DLGAP2: variants seen among roughly 807,000 people sequenced by gnomAD.
DLGAP2 encodes the protein DLG associated protein 2.
Under a neutral mutation model 100.3 loss-of-function variants are expected in DLGAP2, and 26 were observed. That is an observed-to-expected ratio of 0.26 (90% CI 0.19 to 0.36). DLGAP2 has a LOEUF of 0.36. DLGAP2 is among the 10% of genes least tolerant of loss of function. The pLI is 1.00. For synonymous variants in DLGAP2, 886 were observed against 630.1 expected (o/e 1.41, Z -6.08); for missense variants, 1,858 against 1,453.2 (o/e 1.28, Z -4.53).
chr8:1,163,901 G>C (rs1036194550), intron 2 of DLGAP2, among the ~76,000 whole-genome samples: 5 of 152,200 alleles, frequency 3.3e-5, no homozygotes, highest in Non-Finnish European at 7.3e-5. Context: ...CTTCAGGAGA[G>C]AAAGTCCGGC....
At chr8:1,236,043 CTCTCTCACATGGCACCGTGTCTAGT>C in intron 2 of DLGAP2, among the ~76,000 whole-genome samples, 1 of 69,002 alleles carries the variant, frequency 1.4e-5, no homozygotes, top group Non-Finnish European at 2.7e-5. Context: ...ATGTCTAGTT[CTCTCTCACATGGCACCGTGTCTAGT>C]TCTCTCACAT....
chr8:932,106 A>G (rs545869542), intron 2 of DLGAP2, among the ~76,000 whole-genome samples: 6 of 152,352 alleles, frequency 3.9e-5, no homozygotes, highest in Middle Eastern at 6.8e-3. Flanking sequence ...TGAGTTGGCT[A>G]GGATCTTGGA....
rs146330300 is a variant in DLGAP2 at position 1,114,143 on chromosome 8, A to G, written c.74-144708A>G. Among the ~76,000 whole-genome samples the G allele has an allele frequency of 9.2e-5, 14 of 152,176 alleles. No homozygotes were observed. In the East Asian group the frequency reaches 2.7e-3, roughly 29 times the overall value. ...TTTTTCATCGATGTTCATCAAGGAT[A>G]TTGGCCTGAAGTTTTCTTTTTTTGT... On this transcript the variant is annotated intron_variant, in intron 2 of 14. Coordinates refer to ENST00000637795, the MANE Select transcript of DLGAP2 (RefSeq NM_001346810.2).
chr8:1,234,953 C>G (rs1182992637), intron 2 of DLGAP2, among the ~76,000 whole-genome samples: 1 of 152,180 alleles, frequency 6.6e-6, no homozygotes, highest in East Asian at 1.9e-4. Context: ...GCTTCTCTCT[C>G]ACATGCCACT....
chr8:1,009,561 C>G (rs1801216278), intron 2 of DLGAP2, among the ~76,000 whole-genome samples: 1 of 152,176 alleles, frequency 6.6e-6, no homozygotes, highest in Non-Finnish European at 1.5e-5. Context: ...TTTTTTTGAG[C>G]TCACACTGTT....
At chr8:783,200 C>T (rs577424496) in intron 1 of DLGAP2, among the ~76,000 whole-genome samples, 3 of 152,206 alleles carry the variant, frequency 2.0e-5, no homozygotes, top group East Asian at 1.9e-4. Context: ...GTCTTTTTTG[C>T]GCTGCTTAGG....
intron 2 of DLGAP2, among the ~76,000 whole-genome samples, chr8:935,759 C>G (rs1799056557): frequency 6.6e-6 from 1 of 152,190 alleles, no homozygotes; most frequent in African/African-American, 2.4e-5. Flanking sequence ...GAGCTTCCCT[C>G]AAAGCATAGT....
At chr8:1,700,866 G>A (rs948090351) in intron 14 of DLGAP2, among the ~76,000 whole-genome samples, 1 of 152,232 alleles carries the variant, frequency 6.6e-6, no homozygotes, top group African/African-American at 2.4e-5. Flanking sequence ...GGAATCGGGC[G>A]ACAATGTCAG....
chr8:874,142 T>C (rs1456276068), intron 1 of DLGAP2, among the ~76,000 whole-genome samples: 1 of 152,112 alleles, frequency 6.6e-6, no homozygotes, highest in Non-Finnish European at 1.5e-5. Flanking sequence ...ATTTTGTTGA[T>C]ATTTTCAAAA....
At chr8:1,208,862 G>T (rs549111039) in intron 2 of DLGAP2, among the ~76,000 whole-genome samples, 1 of 137,664 alleles carries the variant, frequency 7.3e-6, no homozygotes, top group East Asian at 2.2e-4. Flanking sequence ...AATAATAGCT[G>T]CAAAAATAAA....
At chr8:1,249,752 A>T (rs1011757802) in intron 2 of DLGAP2, among the ~76,000 whole-genome samples, 1 of 152,344 alleles carries the variant, frequency 6.6e-6, no homozygotes, top group Admixed American at 6.5e-5. Context: ...TTGATTATTC[A>T]GGGGTGGGCC....
At chr8:988,885 G>C (rs1800566470) in intron 2 of DLGAP2, among the ~76,000 whole-genome samples, 1 of 152,208 alleles carries the variant, frequency 6.6e-6, no homozygotes, top group Non-Finnish European at 1.5e-5. Context: ...AGAGCCCCTG[G>C]AGTTTCTCAG....
intron 2 of DLGAP2, among the ~76,000 whole-genome samples, chr8:932,878 T>A (rs1798990514): frequency 6.6e-6 from 1 of 152,226 alleles, no homozygotes; most frequent in Non-Finnish European, 1.5e-5. Context: ...AAAAGATCAG[T>A]CAGCATTTCA....
At chr8:836,332 T>C (rs1424869931) in intron 1 of DLGAP2, among the ~76,000 whole-genome samples, 1 of 152,210 alleles carries the variant, frequency 6.6e-6, no homozygotes, top group Admixed American at 6.5e-5. Context: ...AGATATCGGC[T>C]TGGTCCTGGG....
chr8:1,608,224 C>T (rs1318219326), intron 6 of DLGAP2, among the ~76,000 whole-genome samples: 42 of 116,288 alleles, frequency 3.6e-4, no homozygotes, highest in Admixed American at 3.7e-4. Flanking sequence ...TCAAGTGGGT[C>T]CCTGACCCCT....
chr8:980,416 T>C (rs2129014255), intron 2 of DLGAP2, among the ~76,000 whole-genome samples: 1 of 152,350 alleles, frequency 6.6e-6, no homozygotes. Context: ...AAGTCAACTA[T>C]TGCAGTTAAA....
At chr8:1,147,955 T>C (rs920230950) in intron 2 of DLGAP2, among the ~76,000 whole-genome samples, 1 of 152,246 alleles carries the variant, frequency 6.6e-6, no homozygotes, top group Non-Finnish European at 1.5e-5. Flanking sequence ...TAAAATCCCT[T>C]TGATTTGGAA....
At chr8:1,666,630 A>G (rs1250653853) in intron 8 of DLGAP2, among the ~76,000 whole-genome samples, 1 of 152,010 alleles carries the variant, frequency 6.6e-6, no homozygotes, top group Non-Finnish European at 1.5e-5. Flanking sequence ...CAGTGAGCTC[A>G]GATCGCCCCA....
At chr8:836,080 T>C (rs1245884906) in intron 1 of DLGAP2, among the ~76,000 whole-genome samples, 2 of 152,196 alleles carry the variant, frequency 1.3e-5, no homozygotes, top group African/African-American at 4.8e-5. Flanking sequence ...CCCGCAGCCA[T>C]GGAGCACAGC....
Sources: allele counts gnomAD v4.1 joint callset (sites outside exome capture counted in the v4.1 genomes callset), GRCh38; gene constraint gnomAD v4.1.1; transcripts MANE v1.5; gene names NCBI Gene and HGNC (gene_info 2026-07-23, HGNC 2026-07-21).